CDH13: variants seen among roughly 807,000 people sequenced by gnomAD.
CDH13 encodes the protein cadherin 13, also known as cadherin-13.
CDH13 carries 24 observed loss-of-function variants against 63.8 expected under a neutral mutation model. The ratio of observed to expected loss-of-function variants is 0.38; its 90% CI spans 0.27 to 0.53. The LOEUF (loss-of-function observed/expected upper bound fraction) is 0.53. Ranked by LOEUF, CDH13 falls within the 20% of genes least tolerant of loss-of-function variation. CDH13 has a pLI of 0.85. For missense variants in CDH13, 1,049 were observed against 903.1 expected (o/e 1.16, Z -2.07); for synonymous variants, 503 against 355.3 (o/e 1.42, Z -4.67).
intron 2 of CDH13, among the ~76,000 whole-genome samples, chr16:82,923,496 A>C (rs1222328173): frequency 2.6e-5 from 4 of 152,256 alleles, no homozygotes; most frequent in Non-Finnish European, 5.9e-5. Context: ...GGCAAAGGCC[A>C]ACTCTTAGGG....
chr16:83,748,023 C>G (rs1912748784), intron 10 of CDH13, 85 bp from the exon 11 acceptor site: 4 of 1,421,652 alleles, frequency 2.8e-6, no homozygotes, highest in South Asian at 2.3e-5. Flanking sequence ...CAGCACCTAG[C>G]CTAGGAGCTC....
At chr16:83,075,387 A>G (rs533478367) in intron 3 of CDH13, among the ~76,000 whole-genome samples, 24 of 152,316 alleles carry the variant, frequency 1.6e-4, no homozygotes, top group African/African-American at 5.8e-4. Flanking sequence ...AGCGCTAGTT[A>G]CATGTAGCAT....
chr16:82,959,124 A>G (rs1906570902), intron 2 of CDH13, among the ~76,000 whole-genome samples: 1 of 152,238 alleles, frequency 6.6e-6, no homozygotes, highest in Admixed American at 6.5e-5. Flanking sequence ...TATCTTTCAC[A>G]GTTATGGCAC....
At chr16:83,352,629 G>A (rs936646079) in intron 6 of CDH13, among the ~76,000 whole-genome samples, 4 of 152,268 alleles carry the variant, frequency 2.6e-5, no homozygotes, top group East Asian at 1.9e-4. Context: ...GGTGGCTCAC[G>A]CCTATAATCC....
At chr16:83,612,167 A>G (rs1475502912) in intron 8 of CDH13, among the ~76,000 whole-genome samples, 1 of 152,054 alleles carries the variant, frequency 6.6e-6, no homozygotes, top group Non-Finnish European at 1.5e-5. Flanking sequence ...TAAATTTTTA[A>G]AAACTTAATT....
intron 6 of CDH13, among the ~76,000 whole-genome samples, chr16:83,379,938 T>TAATATATATATATAG: frequency 8.1e-6 from 1 of 123,448 alleles, no homozygotes; most frequent in Admixed American, 8.3e-5. Flanking sequence ...TATATATATA[T>TAATATATATATATAG]AGAGAGAGAG....
intron 6 of CDH13, among the ~76,000 whole-genome samples, chr16:83,425,772 CCTTT>C (rs959113819): frequency 6.6e-6 from 1 of 151,958 alleles, no homozygotes; most frequent in African/African-American, 2.4e-5. Context: ...TTTCTTTCTT[CCTTT>C]GTCTCTTTCT....
chr16:83,498,719 T>C (rs2074204229), intron 7 of CDH13, among the ~76,000 whole-genome samples: 1 of 152,214 alleles, frequency 6.6e-6, no homozygotes, highest in Non-Finnish European at 1.5e-5. Flanking sequence ...ATTATTGATA[T>C]TTATATGTGT....
intron 10 of CDH13, among the ~76,000 whole-genome samples, chr16:83,722,214 G>C (rs866107590): frequency 2.0e-5 from 3 of 152,170 alleles, no homozygotes; most frequent in Non-Finnish European, 2.9e-5. Flanking sequence ...CAATCTCTCT[G>C]AGCCTTGCTA....
intron 1 of CDH13, among the ~76,000 whole-genome samples, chr16:82,843,845 T>C (rs528290545): frequency 2.6e-5 from 4 of 152,342 alleles, no homozygotes; most frequent in East Asian, 1.9e-4. Flanking sequence ...AATTGTTCAA[T>C]TGACACAACA....
intron 2 of CDH13, among the ~76,000 whole-genome samples, chr16:82,862,491 G>A (rs1191235164): frequency 6.6e-6 from 1 of 152,218 alleles, no homozygotes; most frequent in Non-Finnish European, 1.5e-5. Context: ...ATTAGCAGGG[G>A]ATGAGTGCAG....
intron 5 of CDH13, among the ~76,000 whole-genome samples, chr16:83,341,034 T>C (rs905827344): frequency 1.3e-5 from 2 of 152,184 alleles, no homozygotes; most frequent in African/African-American, 4.8e-5. Flanking sequence ...CCTTCTGCCA[T>C]GCCTACCTAT....
At chr16:83,157,368 A>G (rs1055556346) in intron 4 of CDH13, among the ~76,000 whole-genome samples, 4 of 152,156 alleles carry the variant, frequency 2.6e-5, no homozygotes, top group African/African-American at 9.7e-5. Flanking sequence ...GAGATGACAG[A>G]TGCTGTCATC....
At chr16:82,911,377 A>T (rs960950793) in intron 2 of CDH13, among the ~76,000 whole-genome samples, 4 of 152,150 alleles carry the variant, frequency 2.6e-5, no homozygotes, top group Admixed American at 6.5e-5. Context: ...CCCTCATCAC[A>T]AAACTGCAAA....
chr16:82,950,994 T>G (rs1905236340), intron 2 of CDH13, among the ~76,000 whole-genome samples: 1 of 152,198 alleles, frequency 6.6e-6, no homozygotes. Context: ...ATGTTGCGCA[T>G]CACCATATTT....
intron 2 of CDH13, among the ~76,000 whole-genome samples, chr16:82,939,041 T>G (rs1185174934): frequency 6.6e-6 from 1 of 152,204 alleles, no homozygotes; most frequent in Non-Finnish European, 1.5e-5. Flanking sequence ...TGGGAGGTTG[T>G]CTGGAGCACA....
At chr16:83,484,225 T>C (rs764208071) in intron 6 of CDH13, among the ~76,000 whole-genome samples, 1 of 152,192 alleles carries the variant, frequency 6.6e-6, no homozygotes, top group East Asian at 1.9e-4. Context: ...AGCATTGCTA[T>C]GGAAGGAAAA....
intron 2 of CDH13, among the ~76,000 whole-genome samples, chr16:83,022,096 G>A (rs781641297): frequency 6.6e-6 from 1 of 152,176 alleles, no homozygotes; most frequent in African/African-American, 2.4e-5. Flanking sequence ...TAAAAGGAAG[G>A]TGGTGCCTCT....
chr16:83,377,241 G>A (rs1209443876), intron 6 of CDH13, among the ~76,000 whole-genome samples: 1 of 152,130 alleles, frequency 6.6e-6, no homozygotes, highest in African/African-American at 2.4e-5. Context: ...ATAAAAAGGA[G>A]GGAGGGGTTT....
Sources: allele counts gnomAD v4.1 joint callset (sites outside exome capture counted in the v4.1 genomes callset), GRCh38; gene constraint gnomAD v4.1.1; transcripts MANE v1.5; gene names NCBI Gene and HGNC (gene_info 2026-07-23, HGNC 2026-07-21).